The following CNNM1 variants were observed in gnomAD, a reference collection of about 807,000 sequenced individuals.
The protein encoded by CNNM1 is cyclin and CBS domain divalent metal cation transport mediator 1, also known as metal transporter CNNM1.
Under a neutral mutation model 78.8 loss-of-function variants are expected in CNNM1, and 44 were observed. The ratio of observed to expected loss-of-function variants is 0.56; its 90% confidence interval spans 0.44 to 0.72. The LOEUF (loss-of-function observed/expected upper bound fraction) is 0.72, where lower values mean the gene tolerates loss of function less well. Among genes scored for constraint, CNNM1 ranks in the 30% least tolerant of loss-of-function variants. The pLI is 0.00. For missense variants in CNNM1, 1,101 were observed against 1,292.2 expected, an observed-to-expected ratio of 0.85 and a Z score of 2.27; for synonymous variants, 584 against 581.5, an observed-to-expected ratio of 1.00 and a Z score of -0.06.
In CNNM1 at chr10:99,393,912, C is replaced by G. The variant is rs965067773; in HGVS notation, c.*2396C>G. 6.6e-6 allele frequency: 1 copy of G among 152,258 alleles called. No individual in the cohort carries two copies. The highest frequency in any genetic ancestry group is 1.5e-5 in the Non-Finnish European group (1 of 68,058). The allele number at this position is 152,258 out of a possible 1,614,324, so 9.4% of individuals were successfully genotyped here. A position where few individuals can be genotyped will look rare whatever the true frequency, so the allele number is the denominator to read the frequency against. ...TGAGGCTCAGCAGTGCATGACTTCT[C>G]GTAGATAACTTCACAGTCATCCAGT... On this transcript the variant is annotated 3_prime_UTR_variant, in exon 11 of 11. Coordinates refer to ENST00000356713, the MANE Select transcript of CNNM1 (RefSeq NM_020348.3).
At chr10:99,356,588 G>GAA (rs1259247955) in intron 1 of CNNM1, among the ~76,000 whole-genome samples, 12 of 108,918 alleles carry the variant, frequency 1.1e-4, no homozygotes, top group African/African-American at 4.1e-4. Flanking sequence ...AAGAAAGAAA[G>GAA]AAAGAAAGAA....
intron 10 of CNNM1, 151 bp from the exon 11 acceptor site, chr10:99,391,286 G>A: frequency 1.6e-6 from 1 of 615,158 alleles, no homozygotes; most frequent in East Asian, 2.8e-5. Flanking sequence ...GCCAATATCA[G>A]CACCAGCATA....
At chr10:99,353,233 C>A (rs898056592) in intron 1 of CNNM1, among the ~76,000 whole-genome samples, 1 of 151,454 alleles carries the variant, frequency 6.6e-6, no homozygotes, top group Non-Finnish European at 1.5e-5. Flanking sequence ...ATGCCAGGTG[C>A]TATTCTAGAT....
intron 2 of CNNM1, among the ~76,000 whole-genome samples, chr10:99,360,254 GC>G (rs1191508857): frequency 6.6e-6 from 1 of 152,128 alleles, no homozygotes; most frequent in Non-Finnish European, 1.5e-5. Flanking sequence ...TCCTTGTGTG[GC>G]ATGCTTCAGG....
intron 7 of CNNM1, among the ~76,000 whole-genome samples, chr10:99,384,149 A>G (rs2032239419): frequency 6.6e-6 from 1 of 152,218 alleles, no homozygotes; most frequent in African/African-American, 2.4e-5. Flanking sequence ...ATTTCTCTTC[A>G]ACAGTATTAC....
At position 99,329,728 on chromosome 10, in the gene CNNM1, G is replaced by A; in HGVS notation, c.341G>A (p.Gly114Asp). 1 of 1,516,322 alleles carries A rather than the reference G, an allele frequency of 6.6e-7. No individual in the cohort carries two copies. The highest frequency in any genetic ancestry group is 8.8e-7 in the Non-Finnish European group (1 of 1,142,002). 93.9% of individuals were successfully genotyped at this position (1,516,322 alleles called of 1,614,324 possible). A position where few individuals can be genotyped will look rare whatever the true frequency, so the allele number is the denominator to read the frequency against. Reference sequence around the variant, plus strand: ...CTCGTGTTCATCGAGGAGCCCCCGGGCGGTGGCGGCGTGGCCCCCAGCGCG... The same window carrying A: ...CTCGTGTTCATCGAGGAGCCCCCGGACGGTGGCGGCGTGGCCCCCAGCGCG... The part of the protein sequence containing the change: ...PRLVFIEEPP[G>D]GGGVAPSAVP... Residue 114 changes from glycine (G) to aspartate (D), a missense_variant, in exon 1 of 11, where the codon GGC (glycine) becomes GAC (aspartate). Transcript: ENST00000356713.
intron 7 of CNNM1, among the ~76,000 whole-genome samples, chr10:99,381,549 C>T (rs2032160293): frequency 6.6e-6 from 1 of 151,964 alleles, no homozygotes; most frequent in Admixed American, 6.5e-5. Flanking sequence ...CAAGACCACT[C>T]TGGCCAACAT....
intron 1 of CNNM1, among the ~76,000 whole-genome samples, chr10:99,344,360 G>T: frequency 6.7e-6 from 1 of 149,960 alleles, no homozygotes. Flanking sequence ...GGGGTGGGGG[G>T]GAATAGTGAT....
At chr10:99,385,969 G>C (rs764112057) in intron 7 of CNNM1, among the ~76,000 whole-genome samples, 4 of 152,172 alleles carry the variant, frequency 2.6e-5, no homozygotes, top group African/African-American at 9.7e-5. Context: ...TTTGGTGTTA[G>C]AGCCAAATTT....
chr10:99,334,773 A>C (rs2030097908), intron 1 of CNNM1, among the ~76,000 whole-genome samples: 1 of 152,222 alleles, frequency 6.6e-6, no homozygotes, highest in African/African-American at 2.4e-5. Flanking sequence ...CGAAGGTAGA[A>C]GAGGAAAATG....
intron 1 of CNNM1, 145 bp downstream of exon 1, chr10:99,331,105 T>C: frequency 1.3e-6 from 1 of 783,548 alleles, no homozygotes. Context: ...CTTGGCTCCC[T>C]GGCTATTTTC....
chr10:99,380,021 CTTTT>C (rs34165882), intron 7 of CNNM1, among the ~76,000 whole-genome samples: 18 of 103,916 alleles, frequency 1.7e-4, no homozygotes, highest in African/African-American at 1.1e-4. Flanking sequence ...TAAACTCTCT[CTTTT>C]TTTTTTTTTT....
chr10:99,356,562 C>CAGACAGAAAGAAAGAAAGAAAAGAAAGAA, intron 1 of CNNM1, among the ~76,000 whole-genome samples: 8 of 98,444 alleles, frequency 8.1e-5, no homozygotes, highest in Non-Finnish European at 1.5e-4. Context: ...GACAGACAGA[C>CAGACAGAAAGAAAGAAAGAAAAGAAAGAA]AGAAAGAAAG....
intron 7 of CNNM1, among the ~76,000 whole-genome samples, chr10:99,382,472 A>G (rs1286713939): frequency 6.6e-6 from 1 of 152,190 alleles, no homozygotes; most frequent in African/African-American, 2.4e-5. Flanking sequence ...ACATCATACC[A>G]TGATAGGAGG....
chr10:99,366,242 G>A (rs1289813332), intron 6 of CNNM1, among the ~76,000 whole-genome samples: 1 of 152,158 alleles, frequency 6.6e-6, no homozygotes, highest in Non-Finnish European at 1.5e-5. Context: ...GGAAGCATTA[G>A]TGTTCAGTAG....
At chr10:99,333,229 C>T (rs1244574284) in intron 1 of CNNM1, among the ~76,000 whole-genome samples, 3 of 152,180 alleles carry the variant, frequency 2.0e-5, no homozygotes, top group Non-Finnish European at 4.4e-5. Context: ...ACTCAGTCAC[C>T]TCTTAAAACT....
At chr10:99,369,004 G>T (rs1296519059) in intron 6 of CNNM1, among the ~76,000 whole-genome samples, 1 of 152,124 alleles carries the variant, frequency 6.6e-6, no homozygotes, top group African/African-American at 2.4e-5. Context: ...GAATGAAGTA[G>T]GAATAGTGGA....
chr10:99,357,180 C>T lies in CNNM1; in HGVS notation c.1574-332C>T, dbSNP rs550077514. Among the ~76,000 whole-genome samples the T allele has an allele frequency of 1.2e-4, 19 of 152,272 alleles. No homozygotes were observed. In the South Asian group the frequency reaches 3.5e-3, roughly 28 times the overall value. On this transcript the variant is annotated intron_variant, in intron 1 of 10. Transcript: ENST00000356713. ...GAGGAGAATGACTTTTACCATAATTCTGACTCTAAATTCTTGCTCTTTCAA... is the reference window on the plus strand; with the variant it reads ...GAGGAGAATGACTTTTACCATAATTTTGACTCTAAATTCTTGCTCTTTCAA...
intron 1 of CNNM1, among the ~76,000 whole-genome samples, chr10:99,351,467 C>T (rs1262130722): frequency 6.6e-6 from 1 of 152,134 alleles, no homozygotes; most frequent in Non-Finnish European, 1.5e-5. Context: ...CAAGCATTTG[C>T]CCAGAGAAAG....
Sources: gnomAD v4.1 joint callset for allele counts (sites outside exome capture counted in the v4.1 genomes callset) on GRCh38, gnomAD v4.1.1 for gene constraint, MANE v1.5 for transcripts, NCBI Gene and HGNC (gene_info 2026-07-23, HGNC 2026-07-21) for gene names.